PLCL2: variants seen among roughly 807,000 people sequenced by gnomAD.
PLCL2 encodes inactive phospholipase C-like protein 2.
In PLCL2, 4 loss-of-function variants were observed where a neutral mutation model predicts 79.6. That is an observed-to-expected ratio of 0.05 (90% confidence interval 0.02 to 0.11). The LOEUF (loss-of-function observed/expected upper bound fraction) is 0.11, where lower values mean the gene tolerates loss of function less well. Among genes scored for constraint, PLCL2 ranks in the 10% least tolerant of loss-of-function variants. The pLI, the probability that PLCL2 is intolerant of heterozygous loss-of-function variation, is 1.00. For missense variants in PLCL2, 895 were observed against 1,291.0 expected, an observed-to-expected ratio of 0.69 and a Z score of 4.70; for synonymous variants, 484 against 457.7, an observed-to-expected ratio of 1.06 and a Z score of -0.73.
chr3:16,940,364 A>G (rs1559492287), intron 1 of PLCL2, among the ~76,000 whole-genome samples: 1 of 151,966 alleles, frequency 6.6e-6, no homozygotes. Flanking sequence ...CTCTCTCCTT[A>G]TGTCTCTTTT....
intron 5 of PLCL2, among the ~76,000 whole-genome samples, chr3:17,077,345 G>A (rs370299339): frequency 5.9e-5 from 9 of 152,106 alleles, no homozygotes; most frequent in South Asian, 2.1e-4. Flanking sequence ...TGCTCACTCC[G>A]TTTGCATCTC....
At chr3:16,999,337 TA>T (rs2064184123) in intron 1 of PLCL2, among the ~76,000 whole-genome samples, 1 of 152,166 alleles carries the variant, frequency 6.6e-6, no homozygotes, top group South Asian at 2.1e-4. Context: ...GTGATAGGAT[TA>T]TCTTTCAACA....
Position 17,011,071 on chromosome 3 carries a change from T to C in PLCL2, c.1725T>C (p.Asn575=). The change falls in exon 2 of 6, where the codon AAT becomes AAC. Residue 575 remains asparagine, a synonymous_variant. Coordinates refer to ENST00000615277, the MANE Select transcript of PLCL2 (RefSeq NM_001144382.2). The surrounding 1 kb of genome is among the most constrained non-coding windows in gnomAD (Gnocchi z 7.9). ...ILIKAKKLSS[N]CSGVEGDVTD... The stretch of plus-strand genomic sequence containing the variant: ...TTAAAGCAAAGAAGCTGTCCTCAAA[T>C]TGCTCTGGGGTAGAAGGAGATGTTA... 6.2e-7 allele frequency: 1 copy of C among 1,614,018 alleles called. No individual in the cohort carries two copies. Among genetic ancestry groups the C allele is most frequent in the Non-Finnish European group, 8.5e-7 (1 of 1,179,998 alleles).
rs2065257922 is a variant in PLCL2 at position 17,090,046 on chromosome 3, T to C, written c.*134T>C. 6 of 1,411,906 alleles carry C rather than the reference T, an allele frequency of 4.2e-6. No homozygotes were observed. The highest frequency in any genetic ancestry group is 5.6e-6 in the Non-Finnish European group (6 of 1,080,894). The allele number at this position is 1,411,906 out of a possible 1,614,324, so 87.5% of individuals were successfully genotyped here. ...GCACAACTGGAATAGCTAATTACAG[T>C]CTATTAAAACTGTGAATGTATGTAG... On this transcript the variant is annotated 3_prime_UTR_variant, in exon 6 of 6. Coordinates refer to ENST00000615277, the MANE Select transcript of PLCL2 (RefSeq NM_001144382.2).
intron 1 of PLCL2, among the ~76,000 whole-genome samples, chr3:16,963,913 T>C (rs1186527255): frequency 2.0e-5 from 3 of 152,154 alleles, no homozygotes; most frequent in Non-Finnish European, 4.4e-5. Context: ...TGGTTTACTT[T>C]CTTATACCTG....
At chr3:16,988,475 T>C (rs1395085103) in intron 1 of PLCL2, among the ~76,000 whole-genome samples, 6 of 152,102 alleles carry the variant, frequency 3.9e-5, no homozygotes, top group Admixed American at 3.9e-4. Context: ...TTGAGGGAAA[T>C]GGAATCCCTC....
chr3:16,946,296 C>T (rs779407587), intron 1 of PLCL2, among the ~76,000 whole-genome samples: 8 of 152,116 alleles, frequency 5.3e-5, no homozygotes, highest in Admixed American at 1.3e-4. Context: ...GCCTAGCGGA[C>T]GCTTCGGAAT....
intron 3 of PLCL2, among the ~76,000 whole-genome samples, chr3:17,036,308 T>A (rs1432835344): frequency 6.6e-6 from 1 of 152,202 alleles, no homozygotes; most frequent in Non-Finnish European, 1.5e-5. Context: ...TGACTTATAT[T>A]ATGTTCAAGT....
At chr3:16,911,533 T>C (rs905653444) in intron 1 of PLCL2, among the ~76,000 whole-genome samples, 1 of 152,162 alleles carries the variant, frequency 6.6e-6, no homozygotes, top group African/African-American at 2.4e-5. Flanking sequence ...TATATTTTCT[T>C]TGGAACAAAC....
At chr3:16,942,602 C>T (rs540315213) in intron 1 of PLCL2, among the ~76,000 whole-genome samples, 45 of 152,318 alleles carry the variant, frequency 3.0e-4, no homozygotes, top group Non-Finnish European at 4.0e-4. Flanking sequence ...GACTCTATCA[C>T]GCTTGCCACT....
At chr3:16,940,761 CATATT>C (rs1198059250) in intron 1 of PLCL2, among the ~76,000 whole-genome samples, 5 of 152,154 alleles carry the variant, frequency 3.3e-5, no homozygotes, top group African/African-American at 9.7e-5. Context: ...GTCTAAACCT[CATATT>C]ATAAGATATG....
At position 17,010,280 on chromosome 3, in the gene PLCL2, T is replaced by C. The variant is rs982704058; in HGVS notation, c.934T>C (p.Phe312Leu). ...AAAAACGAGCAAAATTGAGCTTAAG[T>C]TCAAAGAATTGCATAAATCAAAGGA... ...GLKTSKIELK[F>L]KELHKSKDKA... Residue 312 changes from phenylalanine to leucine, a missense_variant, in exon 2 of 6, where the codon TTC becomes CTC. Coordinates refer to ENST00000615277, the MANE Select transcript of PLCL2 (RefSeq NM_001144382.2). This position sits in a 1 kb window ranked among gnomAD's most constrained non-coding sequence, Gnocchi z 5.8. 2 of 1,614,034 alleles carry C rather than the reference T, an allele frequency of 1.2e-6. No homozygotes were observed. The highest frequency in any genetic ancestry group is 3.3e-5 in the Admixed American group (2 of 60,012).
chr3:16,908,733 G>T (rs1696806772), intron 1 of PLCL2, among the ~76,000 whole-genome samples: 1 of 152,190 alleles, frequency 6.6e-6, no homozygotes, highest in Non-Finnish European at 1.5e-5. Context: ...TCAGGTTGGG[G>T]TGTTGGGGAT....
intron 1 of PLCL2, among the ~76,000 whole-genome samples, chr3:16,914,839 C>A (rs763316770): frequency 6.6e-6 from 1 of 152,076 alleles, no homozygotes; most frequent in Non-Finnish European, 1.5e-5. Flanking sequence ...AAGTGACCCT[C>A]CCTCCTCAGC....
At chr3:17,070,385 C>G (rs969844450) in intron 5 of PLCL2, among the ~76,000 whole-genome samples, 9 of 152,220 alleles carry the variant, frequency 5.9e-5, no homozygotes, top group Non-Finnish European at 2.9e-5. Flanking sequence ...AATAGATACA[C>G]TGAAGAAACC....
At chr3:16,925,181 C>T (rs1697217215) in intron 1 of PLCL2, among the ~76,000 whole-genome samples, 1 of 151,640 alleles carries the variant, frequency 6.6e-6, no homozygotes, top group African/African-American at 2.4e-5. Flanking sequence ...CCTCAGCCTC[C>T]CAAAGTGCTG....
chr3:17,083,563 G>A (rs2065185869), intron 5 of PLCL2, among the ~76,000 whole-genome samples: 3 of 152,162 alleles, frequency 2.0e-5, no homozygotes, highest in African/African-American at 7.2e-5. Flanking sequence ...TTTAATTTGA[G>A]CTCTCTGGCT....
intron 1 of PLCL2, 31 bp downstream of exon 1, chr3:16,885,397 C>T: frequency 5.3e-6 from 3 of 564,368 alleles, no homozygotes; most frequent in Non-Finnish European, 9.4e-6. Flanking sequence ...CATCGCCCAC[C>T]CTCAGCCGTC....
chr3:17,060,537 G>C (rs1029298603), intron 4 of PLCL2, among the ~76,000 whole-genome samples: 8 of 152,158 alleles, frequency 5.3e-5, no homozygotes, highest in Non-Finnish European at 1.2e-4. Context: ...CCACAGGTAG[G>C]CCGCACACCC....
Sources: allele counts gnomAD v4.1 joint callset (sites outside exome capture counted in the v4.1 genomes callset), GRCh38; gene constraint gnomAD v4.1.1; non-coding constraint Gnocchi (gnomAD v3.1); transcripts MANE v1.5; gene names NCBI Gene and HGNC (gene_info 2026-07-23, HGNC 2026-07-21).